Variants in EFCAB6 observed in about 807,000 individuals in gnomAD.
EFCAB6 encodes EF-hand calcium binding domain 6, also known as EF-hand calcium-binding domain-containing protein 6.
Under a neutral mutation model 169.8 loss-of-function variants are expected in EFCAB6, and 156 were observed. The observed-to-expected ratio is 0.92, with a 90% CI of 0.81 to 1.05. The LOEUF (loss-of-function observed/expected upper bound fraction) is 1.05, where lower values mean the gene tolerates loss of function less well. Ranked by LOEUF, EFCAB6 falls within the 50% of genes least tolerant of loss-of-function variation. The pLI is 0.00. For missense variants in EFCAB6, 1,800 were observed against 1,829.1 expected (o/e 0.98, Z 0.29); for synonymous variants, 698 against 676.4 (o/e 1.03, Z -0.50).
intron 10 of EFCAB6, among the ~76,000 whole-genome samples, chr22:43,710,795 C>T (rs1255129005): frequency 6.6e-6 from 1 of 152,174 alleles, no homozygotes; most frequent in Non-Finnish European, 1.5e-5. Context: ...CCCCACTCCC[C>T]ACAAAATGAA....
Position 43,535,065 on chromosome 22 carries a change from G to C in EFCAB6, c.4049-193C>G, listed in dbSNP as rs2047307471. 31 of 599,580 alleles carry C rather than the reference G, an allele frequency of 5.2e-5. 2 individuals are homozygous for C. The South Asian group carries it at 6.3e-4, about 12-fold the overall frequency. The allele number at this position is 599,580 out of a possible 1,614,324, so 37.1% of individuals were successfully genotyped here. A position where few individuals can be genotyped will look rare whatever the true frequency, so the allele number is the denominator to read the frequency against. ...GACAAACTAAGTGCCGCAGGGAGGG[G>C]GACCCTGAGTCCCGCTGGCCCACAC... On this transcript the variant is annotated intron_variant, in intron 29 of 31. Transcript: ENST00000262726.
intron 24 of EFCAB6, among the ~76,000 whole-genome samples, chr22:43,589,412 C>A (rs2051313680): frequency 6.7e-6 from 1 of 149,784 alleles, no homozygotes; most frequent in Non-Finnish European, 1.5e-5. Context: ...TGCAGCAGGG[C>A]AAAAGGACTG....
At chr22:43,576,232 C>A in intron 26 of EFCAB6, 65 bp downstream of exon 26, 2 of 1,404,916 alleles carry the variant, frequency 1.4e-6, no homozygotes, top group Admixed American at 5.3e-5. Flanking sequence ...ATCAATTATC[C>A]ATTTTGTAAA....
At chr22:43,542,819 C>T (rs1008246625) in intron 27 of EFCAB6, among the ~76,000 whole-genome samples, 1 of 152,122 alleles carries the variant, frequency 6.6e-6, no homozygotes, top group Non-Finnish European at 1.5e-5. Flanking sequence ...ACTAGGGAGA[C>T]TGGATTCTGA....
Position 43,655,464 on chromosome 22 carries a change from A to T in EFCAB6, c.1983+11640T>A, listed in dbSNP as rs548127664. ...ATGAGACTAATATAAGAACAAAGCA[A>T]CTCATAAGCTAATAGACAGGAAAAT... On this transcript the variant is annotated intron_variant, in intron 17 of 31. Transcript: ENST00000262726. Among the ~76,000 whole-genome samples the T allele has an allele frequency of 4.6e-5, 7 of 151,600 alleles. No homozygotes were observed. In the East Asian group the frequency reaches 1.4e-3, roughly 29 times the overall value.
At chr22:43,547,259 C>T (rs545964003) in intron 27 of EFCAB6, among the ~76,000 whole-genome samples, 1 of 152,212 alleles carries the variant, frequency 6.6e-6, no homozygotes, top group African/African-American at 2.4e-5. Context: ...AGCTGCTAAC[C>T]CTACAGGCAG....
At chr22:43,748,495 G>C (rs1324553322) in intron 6 of EFCAB6, among the ~76,000 whole-genome samples, 1 of 152,088 alleles carries the variant, frequency 6.6e-6, no homozygotes, top group Non-Finnish European at 1.5e-5. Flanking sequence ...CATCCTCAAC[G>C]TGCATTGCAA....
intron 17 of EFCAB6, among the ~76,000 whole-genome samples, chr22:43,647,080 G>A (rs1356790719): frequency 1.3e-5 from 2 of 151,398 alleles, no homozygotes; most frequent in Non-Finnish European, 2.9e-5. Flanking sequence ...AGGGGTATAC[G>A]GGAACTTTGT....
chr22:43,672,817 C>A (rs941430672), intron 13 of EFCAB6, among the ~76,000 whole-genome samples: 2 of 152,002 alleles, frequency 1.3e-5, no homozygotes, highest in African/African-American at 2.4e-5. Flanking sequence ...GTACAATAAA[C>A]CCCCATGACA....
At chr22:43,540,033 C>T in intron 28 of EFCAB6, 94 bp downstream of exon 28, 2 of 1,407,466 alleles carry the variant, frequency 1.4e-6, no homozygotes, top group Non-Finnish European at 2.0e-6. Context: ...GCCACTCAAC[C>T]CTGGGCCATA....
intron 19 of EFCAB6, 82 bp downstream of exon 19, chr22:43,632,023 C>A: frequency 6.4e-7 from 1 of 1,555,732 alleles, no homozygotes; most frequent in Admixed American, 1.8e-5. Flanking sequence ...ATGACCTACA[C>A]CAGGACTCAC....
At chr22:43,651,638 G>C (rs994671117) in intron 17 of EFCAB6, among the ~76,000 whole-genome samples, 4 of 152,334 alleles carry the variant, frequency 2.6e-5, no homozygotes, top group Admixed American at 6.5e-5. Flanking sequence ...CTTGGACCAT[G>C]CTCCTGGAAA....
chr22:43,776,163 A>G (rs760193963), intron 3 of EFCAB6, among the ~76,000 whole-genome samples: 27 of 152,342 alleles, frequency 1.8e-4, no homozygotes, highest in Middle Eastern at 3.4e-3. Context: ...CTCTGGAGAT[A>G]AGAGAGGCTG....
chr22:43,554,770 A>C lies in EFCAB6; in HGVS notation c.3648+99T>G, dbSNP rs2048598823. 3.9e-6 allele frequency: 4 copies of C among 1,032,690 alleles called. No homozygotes were observed. The South Asian group carries it at 6.1e-5, about 16-fold the overall frequency. The allele number at this position is 1,032,690 out of a possible 1,614,324, so 64.0% of individuals were successfully genotyped here. ...AAATAACAAAACTGCAAGCATTTTA[A>C]AAATAGAGAACAGTCTTAAACTCTG... On this transcript the variant is annotated intron_variant, in intron 27 of 31. Transcript: ENST00000262726.
At chr22:43,668,360 T>C (rs2057351244) in intron 16 of EFCAB6, among the ~76,000 whole-genome samples, 1 of 152,242 alleles carries the variant, frequency 6.6e-6, no homozygotes, top group Non-Finnish European at 1.5e-5. Context: ...AGAATATTCA[T>C]CAGGCTAATT....
At chr22:43,580,353 G>T in intron 25 of EFCAB6, 111 bp downstream of exon 25, 1 of 1,171,750 alleles carries the variant, frequency 8.5e-7, no homozygotes, top group Non-Finnish European at 1.2e-6. Flanking sequence ...TGGTTAACTA[G>T]ACACCCCAAG....
intron 11 of EFCAB6, among the ~76,000 whole-genome samples, 197 bp downstream of exon 11, chr22:43,687,274 C>T (rs2058232831): frequency 6.6e-6 from 1 of 152,078 alleles, no homozygotes; most frequent in Non-Finnish European, 1.5e-5. Context: ...AACAATTATA[C>T]CAACCTTATA....
chr22:43,702,879 C>T (rs1244348896), intron 10 of EFCAB6, among the ~76,000 whole-genome samples: 1 of 152,128 alleles, frequency 6.6e-6, no homozygotes, highest in African/African-American at 2.4e-5. Context: ...AGACATTATC[C>T]AAGCAGGAAA....
At chr22:43,784,571 GTACATATACACATATATA>G (rs2061967415) in intron 2 of EFCAB6, among the ~76,000 whole-genome samples, 2 of 62,676 alleles carry the variant, frequency 3.2e-5, no homozygotes, top group Admixed American at 2.1e-4. Flanking sequence ...ATATATATGT[GTACATATACACATATATA>G]TGTATATATA....
Sources: allele counts gnomAD v4.1 joint callset (sites outside exome capture counted in the v4.1 genomes callset), GRCh38; gene constraint gnomAD v4.1.1; transcripts MANE v1.5; gene names NCBI Gene and HGNC (gene_info 2026-07-23, HGNC 2026-07-21).